The following PCDH15 variants were observed in gnomAD, a reference collection of about 807,000 sequenced individuals.
The protein encoded by PCDH15 is protocadherin related 15.
In PCDH15, 129 loss-of-function variants were observed where a neutral mutation model predicts 178.5. The observed-to-expected ratio is 0.72, with a 90% CI of 0.63 to 0.84. The LOEUF is 0.84. PCDH15 is among the 40% of genes least tolerant of loss of function. The pLI, the probability that PCDH15 is intolerant of heterozygous loss-of-function variation, is 0.00. For synonymous variants in PCDH15, 800 were observed against 732.0 expected (o/e 1.09, Z -1.50); for missense variants, 2,230 against 2,099.9 (o/e 1.06, Z -1.21).
At chr10:55,352,528 T>G (rs1328500194) in intron 2 of PCDH15, among the ~76,000 whole-genome samples, 1 of 152,132 alleles carries the variant, frequency 6.6e-6, no homozygotes, top group East Asian at 1.9e-4. Context: ...GCTGATCCTC[T>G]TACAACTACA....
chr10:55,399,252 A>G (rs1385959574), intron 2 of PCDH15, among the ~76,000 whole-genome samples: 1 of 152,168 alleles, frequency 6.6e-6, no homozygotes, highest in East Asian at 1.9e-4. Flanking sequence ...GTCAGCAAAT[A>G]CAAAGAAGAA....
intron 2 of PCDH15, among the ~76,000 whole-genome samples, chr10:55,602,340 T>C (rs1843105705): frequency 7.4e-6 from 1 of 134,860 alleles, no homozygotes; most frequent in South Asian, 2.7e-4. Flanking sequence ...CAGGCTTGCT[T>C]AGGTAAAAAA....
intron 2 of PCDH15, among the ~76,000 whole-genome samples, chr10:54,657,738 G>C (rs1464976373): frequency 6.6e-6 from 1 of 152,116 alleles, no homozygotes; most frequent in Non-Finnish European, 1.5e-5. Flanking sequence ...AAAATAAGAA[G>C]TGATATCTCC....
intron 2 of PCDH15, among the ~76,000 whole-genome samples, chr10:55,360,517 C>G (rs949334241): frequency 6.6e-6 from 1 of 151,736 alleles, no homozygotes; most frequent in Non-Finnish European, 1.5e-5. Context: ...AACAAAACAA[C>G]AAAGGCAGGT....
chr10:54,576,520 C>A lies in PCDH15; in HGVS notation c.92-48643G>T, dbSNP rs558328567. Among the ~76,000 whole-genome samples the A allele has an allele frequency of 2.2e-4, 33 of 152,268 alleles. No homozygotes were observed. In the South Asian group the frequency reaches 5.6e-3, roughly 26 times the overall value. ...GCAAGATCTTTGTATATATTCTATC[C>A]GGTATTTGTTTTTGAAAATTATCTT... is the stretch of plus-strand genomic sequence containing the variant. On this transcript the variant is annotated intron_variant, in intron 2 of 37. Coordinates refer to ENST00000644397, the MANE Select transcript of PCDH15 (RefSeq NM_001384140.1).
At chr10:54,559,768 C>A (rs2087808512) in intron 2 of PCDH15, among the ~76,000 whole-genome samples, 1 of 144,650 alleles carries the variant, frequency 6.9e-6, no homozygotes, top group East Asian at 2.1e-4. Flanking sequence ...GAATTAGCTT[C>A]TCACTGTAGA....
intron 2 of PCDH15, among the ~76,000 whole-genome samples, chr10:54,621,727 T>C (rs2068614465): frequency 6.6e-6 from 1 of 151,910 alleles, no homozygotes; most frequent in Non-Finnish European, 1.5e-5. Context: ...CACAATCTCA[T>C]CCTCCTTTAG....
chr10:55,291,961 A>G (rs1163330748), intron 1 of PCDH15, among the ~76,000 whole-genome samples: 1 of 152,158 alleles, frequency 6.6e-6, no homozygotes, highest in Non-Finnish European at 1.5e-5. Flanking sequence ...ACCTGCCCAC[A>G]TGACTCAATT....
intron 2 of PCDH15, among the ~76,000 whole-genome samples, chr10:54,960,099 C>T (rs530371293): frequency 1.3e-5 from 2 of 152,032 alleles, no homozygotes; most frequent in East Asian, 3.9e-4. Flanking sequence ...CTGGAAAATG[C>T]TTTATTCTTG....
At chr10:55,343,710 C>G (rs920358130) in intron 2 of PCDH15, among the ~76,000 whole-genome samples, 5 of 151,576 alleles carry the variant, frequency 3.3e-5, no homozygotes, top group African/African-American at 1.2e-4. Flanking sequence ...CAACTCTGAT[C>G]AATTGGTATT....
chr10:54,757,276 C>CTTTTTTTTT (rs57411772), intron 1 of PCDH15, among the ~76,000 whole-genome samples: 6 of 34,188 alleles, frequency 1.8e-4, no homozygotes, highest in Non-Finnish European at 2.6e-4. Context: ...AGAATTCTAC[C>CTTTTTTTTT]TTTTTTTTTT....
chr10:54,329,920 C>T (rs1017851093), intron 6 of PCDH15, among the ~76,000 whole-genome samples: 12 of 151,740 alleles, frequency 7.9e-5, no homozygotes, highest in African/African-American at 2.7e-4. Context: ...TAATAATAAC[C>T]AGAAAATTTG....
intron 32 of PCDH15, chr10:53,822,568 A>G: frequency 6.2e-7 from 1 of 1,614,028 alleles, no homozygotes; most frequent in Non-Finnish European, 8.5e-7. Context: ...GGTAACATAC[A>G]AATAGGTGTC....
At chr10:55,050,137 T>C (rs1564748519) in intron 2 of PCDH15, among the ~76,000 whole-genome samples, 2 of 152,048 alleles carry the variant, frequency 1.3e-5, no homozygotes, top group East Asian at 3.8e-4. Context: ...TTATCAACAA[T>C]TATTCTCCAA....
At chr10:54,995,810 A>G (rs1839629359) in intron 2 of PCDH15, among the ~76,000 whole-genome samples, 1 of 151,650 alleles carries the variant, frequency 6.6e-6, no homozygotes, top group South Asian at 2.1e-4. Context: ...CCCACCCATC[A>G]TGACTGTCTT....
intron 18 of PCDH15, among the ~76,000 whole-genome samples, chr10:54,066,362 G>A (rs1019502035): frequency 1.6e-4 from 25 of 152,056 alleles, no homozygotes; most frequent in African/African-American, 2.9e-4. Flanking sequence ...AGAAACACAC[G>A]GTAGACTCTA....
At chr10:55,600,873 A>T (rs1182697508) in intron 2 of PCDH15, among the ~76,000 whole-genome samples, 3 of 151,784 alleles carry the variant, frequency 2.0e-5, no homozygotes, top group Admixed American at 2.0e-4. Context: ...AAAATTTTTT[A>T]AATTAATTTA....
intron 1 of PCDH15, among the ~76,000 whole-genome samples, chr10:54,750,476 T>C (rs1439174936): frequency 6.6e-6 from 1 of 152,112 alleles, no homozygotes; most frequent in Non-Finnish European, 1.5e-5. Context: ...AATCGATTAC[T>C]ACTGTGATGA....
chr10:54,384,853 C>T (rs772776477), intron 3 of PCDH15, among the ~76,000 whole-genome samples: 7 of 152,088 alleles, frequency 4.6e-5, no homozygotes, highest in Admixed American at 1.3e-4. Flanking sequence ...AGTTAAAACT[C>T]AAGCAATATT....
Sources: gnomAD v4.1 joint callset for allele counts (sites outside exome capture counted in the v4.1 genomes callset) on GRCh38, gnomAD v4.1.1 for gene constraint, MANE v1.5 for transcripts, NCBI Gene and HGNC (gene_info 2026-07-23, HGNC 2026-07-21) for gene names.